PTPRD: variants seen among roughly 807,000 people sequenced by gnomAD.
PTPRD encodes the protein protein tyrosine phosphatase receptor type D, also known as receptor-type tyrosine-protein phosphatase delta.
PTPRD carries 34 observed loss-of-function variants against 214.5 expected under a neutral mutation model. The observed-to-expected ratio is 0.16, with a 90% CI of 0.12 to 0.21. The LOEUF (loss-of-function observed/expected upper bound fraction) is 0.21, where lower values mean the gene tolerates loss of function less well. PTPRD is among the 10% of genes least tolerant of loss of function. The pLI, the probability that PTPRD is intolerant of heterozygous loss-of-function variation, is 1.00. For synonymous variants in PTPRD, 1,128 were observed against 845.7 expected, an observed-to-expected ratio of 1.33 and a Z score of -5.79; for missense variants, 2,545 against 2,398.7, an observed-to-expected ratio of 1.06 and a Z score of -1.27.
intron 7 of PTPRD, among the ~76,000 whole-genome samples, chr9:9,723,199 G>T (rs1489483638): frequency 6.6e-6 from 1 of 152,040 alleles, no homozygotes; most frequent in Non-Finnish European, 1.5e-5. Context: ...TATGTGGTTT[G>T]AGATAGGGAT....
intron 11 of PTPRD, among the ~76,000 whole-genome samples, chr9:8,838,170 A>T (rs973489713): frequency 1.3e-5 from 2 of 152,188 alleles, no homozygotes; most frequent in South Asian, 2.1e-4. Flanking sequence ...GTATAAAAAA[A>T]TTAAGAAGAG....
At chr9:10,077,830 C>CT (rs60983926) in intron 3 of PTPRD, among the ~76,000 whole-genome samples, 10,340 of 146,954 alleles carry the variant, frequency 0.07, 458 homozygotes, top group East Asian at 0.17. Flanking sequence ...CATGATCTCT[C>CT]TTTTTTTTTT....
chr9:10,594,193 G>C (rs2133058930), intron 2 of PTPRD, among the ~76,000 whole-genome samples: 1 of 151,956 alleles, frequency 6.6e-6, no homozygotes, highest in East Asian at 2.0e-4. Context: ...TAATTACAGA[G>C]GACACTTTAC....
At chr9:8,791,284 G>A (rs1043954999) in intron 11 of PTPRD, among the ~76,000 whole-genome samples, 1 of 151,898 alleles carries the variant, frequency 6.6e-6, no homozygotes, top group Non-Finnish European at 1.5e-5. Context: ...GGAGTGCAGT[G>A]GCGTGATCTC....
rs539831244 is a variant in PTPRD, at chr9:9,833,391, G to C, written c.-367-66540C>G. Among the ~76,000 whole-genome samples, 12 of 151,986 alleles carry C rather than the reference G, an allele frequency of 7.9e-5. No individual in the cohort carries two copies. The East Asian group carries it at 2.3e-3, about 30-fold the overall frequency. On this transcript the variant is annotated intron_variant, in intron 5 of 45. Transcript: ENST00000381196. ...GGGAGGGAGTATACGAATAGGTGTG[G>C]GTGACAGACATCAAGTACTTAACAG... is the stretch of plus-strand genomic sequence containing the variant.
chr9:9,823,939 A>T (rs1430630069), intron 5 of PTPRD, among the ~76,000 whole-genome samples: 1 of 152,094 alleles, frequency 6.6e-6, no homozygotes, highest in African/African-American at 2.4e-5. Flanking sequence ...TGATTTGATC[A>T]TTACACATTT....
At chr9:9,420,464 C>T (rs1283585469) in intron 8 of PTPRD, among the ~76,000 whole-genome samples, 2 of 151,832 alleles carry the variant, frequency 1.3e-5, no homozygotes, top group African/African-American at 2.4e-5. Flanking sequence ...AGTAGTACTT[C>T]TATACTACTG....
At chr9:9,450,710 A>T (rs1316077507) in intron 8 of PTPRD, among the ~76,000 whole-genome samples, 1 of 151,022 alleles carries the variant, frequency 6.6e-6, no homozygotes, top group African/African-American at 2.4e-5. Context: ...AAAAAACTGT[A>T]TGAAGAAAAA....
chr9:10,266,900 TAGTC>T (rs1337890468), intron 3 of PTPRD, among the ~76,000 whole-genome samples: 3 of 151,798 alleles, frequency 2.0e-5, no homozygotes, highest in Non-Finnish European at 4.4e-5. Flanking sequence ...CCTTTAAAAG[TAGTC>T]AGGGGGTTGG....
intron 10 of PTPRD, among the ~76,000 whole-genome samples, chr9:9,166,508 G>C (rs1330807829): frequency 6.6e-6 from 1 of 152,066 alleles, no homozygotes; most frequent in Non-Finnish European, 1.5e-5. Flanking sequence ...CTCCTGTGTG[G>C]CTCAAAAGTG....
At chr9:9,030,101 C>A (rs1416426368) in intron 10 of PTPRD, among the ~76,000 whole-genome samples, 3 of 151,496 alleles carry the variant, frequency 2.0e-5, no homozygotes, top group Non-Finnish European at 4.4e-5. Flanking sequence ...AGAAAAAATG[C>A]CAACGAGAAA....
At chr9:9,543,204 G>T (rs79219302) in intron 8 of PTPRD, among the ~76,000 whole-genome samples, 5 of 151,558 alleles carry the variant, frequency 3.3e-5, no homozygotes, top group African/African-American at 4.8e-5. Context: ...ATACATGAAA[G>T]AATGCATATT....
chr9:9,215,814 G>T (rs866002195), intron 9 of PTPRD, among the ~76,000 whole-genome samples: 11 of 152,116 alleles, frequency 7.2e-5, no homozygotes, highest in African/African-American at 2.4e-4. Context: ...ATCAAGAATT[G>T]TGCTAGGGAG....
chr9:9,268,731 G>T (rs901438045), intron 9 of PTPRD, among the ~76,000 whole-genome samples: 4 of 149,588 alleles, frequency 2.7e-5, no homozygotes, highest in African/African-American at 9.8e-5. Flanking sequence ...CATCTTCAAT[G>T]AAGATGCCAA....
At chr9:9,270,587 G>T (rs894769817) in intron 9 of PTPRD, among the ~76,000 whole-genome samples, 1 of 151,324 alleles carries the variant, frequency 6.6e-6, no homozygotes, top group South Asian at 2.1e-4. Flanking sequence ...GAAAGATCAG[G>T]TCAGGGCAAG....
At chr9:10,331,082 A>G (rs1324194720) in intron 3 of PTPRD, among the ~76,000 whole-genome samples, 1 of 151,876 alleles carries the variant, frequency 6.6e-6, no homozygotes, top group Non-Finnish European at 1.5e-5. Flanking sequence ...TCTCAACACC[A>G]GATGCAGATG....
At chr9:9,856,635 T>C (rs1771555923) in intron 5 of PTPRD, among the ~76,000 whole-genome samples, 1 of 139,844 alleles carries the variant, frequency 7.2e-6, no homozygotes, top group East Asian at 4.3e-4. Flanking sequence ...GAAGAAAATT[T>C]ACCAAAAAAA....
intron 11 of PTPRD, among the ~76,000 whole-genome samples, chr9:9,008,626 C>A (rs1194763989): frequency 6.6e-6 from 1 of 152,054 alleles, no homozygotes; most frequent in Non-Finnish European, 1.5e-5. Context: ...TGCTGCTGAC[C>A]TTTGTTTTTG....
chr9:9,314,291 T>C (rs1360966522), intron 9 of PTPRD, among the ~76,000 whole-genome samples: 1 of 152,186 alleles, frequency 6.6e-6, no homozygotes, highest in East Asian at 1.9e-4. Flanking sequence ...AAAATTTGTA[T>C]TCTGAGTTCA....
Sources: gnomAD v4.1 joint callset for allele counts (sites outside exome capture counted in the v4.1 genomes callset) on GRCh38, gnomAD v4.1.1 for gene constraint, MANE v1.5 for transcripts, NCBI Gene and HGNC (gene_info 2026-07-23, HGNC 2026-07-21) for gene names.